The following SFMBT2 variants were observed in gnomAD, a reference collection of about 807,000 sequenced individuals.
SFMBT2 encodes the protein scm-like with four MBT domains protein 2.
SFMBT2 carries 38 observed loss-of-function variants against 110.1 expected under a neutral mutation model. That is an observed-to-expected ratio of 0.35 (90% CI 0.27 to 0.45). The LOEUF is 0.45. SFMBT2 is among the 20% of genes least tolerant of loss of function. The probability of loss-of-function intolerance (pLI) is 1.00; values close to 1 mark genes in which losing one functional copy is unlikely to be tolerated. For missense variants in SFMBT2, 1,011 were observed against 1,094.9 expected, an observed-to-expected ratio of 0.92 and a Z score of 1.08; for synonymous variants, 425 against 425.4, an observed-to-expected ratio of 1.00 and a Z score of 0.01.
chr10:7,356,274 CA>C (rs2132024424), intron 4 of SFMBT2, among the ~76,000 whole-genome samples: 1 of 152,330 alleles, frequency 6.6e-6, no homozygotes, highest in African/African-American at 2.4e-5. Flanking sequence ...ATGCTAACCT[CA>C]AAGGCTGCTC....
At chr10:7,173,690 G>A (rs1056635424) in intron 17 of SFMBT2, among the ~76,000 whole-genome samples, 3 of 152,086 alleles carry the variant, frequency 2.0e-5, no homozygotes, top group Non-Finnish European at 2.9e-5. Flanking sequence ...ATTCAATTAC[G>A]ACCCAGACGC....
At chr10:7,197,083 G>A (rs908039093) in intron 15 of SFMBT2, among the ~76,000 whole-genome samples, 2 of 151,862 alleles carry the variant, frequency 1.3e-5, no homozygotes, top group African/African-American at 4.8e-5. Context: ...CCAGGTGCTC[G>A]GAAGAGATGG....
chr10:7,325,457 C>A (rs141704734), intron 4 of SFMBT2, among the ~76,000 whole-genome samples: 145 of 152,282 alleles, frequency 9.5e-4, no homozygotes, highest in African/African-American at 3.3e-3. Flanking sequence ...TTAGTCATCA[C>A]CTCTGTGTAA....
At chr10:7,364,808 C>T (rs1844840919) in intron 4 of SFMBT2, among the ~76,000 whole-genome samples, 1 of 152,232 alleles carries the variant, frequency 6.6e-6, no homozygotes, top group Admixed American at 6.5e-5. Context: ...ATGAACGCAA[C>T]TCCCCTGAGT....
intron 4 of SFMBT2, among the ~76,000 whole-genome samples, chr10:7,331,648 T>G (rs1214110118): frequency 6.6e-6 from 1 of 151,988 alleles, no homozygotes; most frequent in Non-Finnish European, 1.5e-5. Context: ...ACTGAGAACT[T>G]GCAAGCTAGT....
intron 11 of SFMBT2, among the ~76,000 whole-genome samples, chr10:7,217,181 A>C (rs183300848): frequency 3.9e-5 from 6 of 152,298 alleles, no homozygotes; most frequent in Admixed American, 2.0e-4. Flanking sequence ...TGAGGAGGGA[A>C]GGGAGACTTT....
intron 9 of SFMBT2, among the ~76,000 whole-genome samples, chr10:7,241,849 C>A (rs1477268915): frequency 6.6e-6 from 1 of 152,144 alleles, no homozygotes; most frequent in Non-Finnish European, 1.5e-5. Flanking sequence ...AGTGATCAAG[C>A]AGCCAAAATG....
chr10:7,340,513 G>A (rs1249090229), intron 4 of SFMBT2, among the ~76,000 whole-genome samples: 3 of 151,880 alleles, frequency 2.0e-5, no homozygotes, highest in Non-Finnish European at 2.9e-5. Flanking sequence ...ACTCTTCCCA[G>A]GTTATTTTGT....
chr10:7,370,943 C>CCTTGGA, intron 2 of SFMBT2: 1 of 207,456 alleles, frequency 4.8e-6, no homozygotes, highest in Non-Finnish European at 8.4e-6. Flanking sequence ...ACTCCCGACG[C>CCTTGGA]CTGGCCAGTC....
chr10:7,381,577 G>A (rs1190993366), intron 2 of SFMBT2, among the ~76,000 whole-genome samples: 1 of 152,186 alleles, frequency 6.6e-6, no homozygotes, highest in African/African-American at 2.4e-5. Flanking sequence ...CTGAAGTGAT[G>A]TGTTGCTGCA....
rs570181538 is a variant in SFMBT2 at position 7,200,335 on chromosome 10, G to A, written c.1558+79C>T. 20 of 1,118,070 alleles carry A rather than the reference G, an allele frequency of 1.8e-5. 1 individual carries two copies. The South Asian group carries it at 3.8e-4, about 21-fold the overall frequency. The allele number at this position is 1,118,070 out of a possible 1,614,324, so 69.3% of individuals were successfully genotyped here. A position where few individuals can be genotyped will look rare whatever the true frequency, so the allele number is the denominator to read the frequency against. ...CTCAACGTTGAGATGTATTCATATC[G>A]ACCTAGAAACCTATACATGTCTCTG... On this transcript the variant is annotated intron_variant, in intron 14 of 20. Coordinates refer to ENST00000397167, the MANE Select transcript of SFMBT2 (RefSeq NM_001387889.1).
At chr10:7,284,372 A>T in intron 5 of SFMBT2, 1 of 1,297,636 alleles carries the variant, frequency 7.7e-7, no homozygotes, top group Admixed American at 3.7e-5. Context: ...ACAACAAAAA[A>T]ATCACAAGTC....
rs745387643 is a variant in SFMBT2, at chr10:7,176,024, T to G, written c.1950A>C (p.Pro650=). The change falls in exon 17 of 21, where the codon CCA becomes CCC. Residue 650 remains proline, a synonymous_variant. Coordinates refer to ENST00000397167, the MANE Select transcript of SFMBT2 (RefSeq NM_001387889.1). ...TTTTGGTATGAATGGAGCAGTTCTC[T>G]GGGCAGTTTTCAGATATCAGCACAG... is the stretch of plus-strand genomic sequence containing the variant. ...FSPVLISENC[P]ENCSIHTKTK... is the part of the protein sequence containing the mutation. 1.2e-6 allele frequency: 2 copies of G among 1,614,232 alleles called. No homozygotes were observed. Among genetic ancestry groups the G allele is most frequent in the East Asian group, 2.2e-5 (1 of 44,884 alleles).
chr10:7,332,338 C>T (rs537549497), intron 4 of SFMBT2, among the ~76,000 whole-genome samples: 1 of 152,254 alleles, frequency 6.6e-6, no homozygotes, highest in East Asian at 1.9e-4. Context: ...GTTAATAAGA[C>T]AAAAACAGGG....
chr10:7,325,325 G>A (rs1332986545), intron 4 of SFMBT2, among the ~76,000 whole-genome samples: 1 of 152,070 alleles, frequency 6.6e-6, no homozygotes, highest in Non-Finnish European at 1.5e-5. Context: ...AGGAATTTGG[G>A]GAGTTCACAA....
chr10:7,263,059 G>A lies in SFMBT2; in HGVS notation c.870+13833C>T, dbSNP rs534896607. 1.3e-4 allele frequency among the ~76,000 whole-genome samples: 20 copies of A among 152,116 alleles called. 1 individual carries two copies. The South Asian group carries it at 3.7e-3, about 28-fold the overall frequency. On this transcript the variant is annotated intron_variant, in intron 7 of 20. Transcript: ENST00000397167. ...ATGGCAACAGGAGGTAGGGGAGCAC[G>A]TACTCTGCAGAACCATGCTTTCAGG...
chr10:7,241,265 G>A (rs1454580190), intron 9 of SFMBT2: 2 of 883,816 alleles, frequency 2.3e-6, no homozygotes, highest in Non-Finnish European at 2.7e-6. Context: ...TCTCAGGTAT[G>A]TCTTTATGAG....
intron 4 of SFMBT2, among the ~76,000 whole-genome samples, chr10:7,307,355 A>G (rs906755607): frequency 6.6e-6 from 1 of 152,234 alleles, no homozygotes; most frequent in African/African-American, 2.4e-5. Context: ...TAAAAATTAT[A>G]TGGAAGTAAA....
chr10:7,313,480 G>C (rs77939474), intron 4 of SFMBT2, among the ~76,000 whole-genome samples: 1 of 152,126 alleles, frequency 6.6e-6, no homozygotes, highest in Non-Finnish European at 1.5e-5. Context: ...ACCAATCTTC[G>C]ATAGTTTTTG....
Sources: allele counts gnomAD v4.1 joint callset (sites outside exome capture counted in the v4.1 genomes callset), GRCh38; gene constraint gnomAD v4.1.1; transcripts MANE v1.5; gene names NCBI Gene and HGNC (gene_info 2026-07-23, HGNC 2026-07-21).